The following LRRFIP2 variants were observed in gnomAD, a reference collection of about 807,000 sequenced individuals.
The protein encoded by LRRFIP2 is leucine-rich repeat flightless-interacting protein 2.
LRRFIP2 carries 109 observed loss-of-function variants against 125.9 expected under a neutral mutation model. The observed-to-expected ratio is 0.87, with a 90% CI of 0.74 to 1.01. LRRFIP2 has a LOEUF of 1.01. Among genes scored for constraint, LRRFIP2 ranks in the 50% least tolerant of loss-of-function variants. The pLI is 0.00. For missense variants in LRRFIP2, 850 were observed against 862.3 expected (o/e 0.99, Z 0.18); for synonymous variants, 291 against 293.1 (o/e 0.99, Z 0.07).
chr3:37,152,304 C>T (rs906693957), intron 1 of LRRFIP2, among the ~76,000 whole-genome samples: 2 of 152,022 alleles, frequency 1.3e-5, no homozygotes, highest in Admixed American at 6.6e-5. Flanking sequence ...GGGGCAAGGA[C>T]GGCTGGGTAA....
chr3:37,142,904 T>C (rs1053151715), intron 2 of LRRFIP2, among the ~76,000 whole-genome samples: 1 of 152,178 alleles, frequency 6.6e-6, no homozygotes, highest in Non-Finnish European at 1.5e-5. Flanking sequence ...CCAAATATCA[T>C]GTTGAGATGT....
intron 2 of LRRFIP2, chr3:37,143,513 T>C: frequency 4.0e-6 from 1 of 252,866 alleles, no homozygotes; most frequent in South Asian, 6.2e-5. Context: ...GCATTAACAC[T>C]TGATGTAGTC....
At chr3:37,156,747 A>G (rs1420581785) in intron 1 of LRRFIP2, among the ~76,000 whole-genome samples, 1 of 150,680 alleles carries the variant, frequency 6.6e-6, no homozygotes, top group Non-Finnish European at 1.5e-5. Flanking sequence ...GGAATTAGGA[A>G]TTGCAATTAA....
intron 2 of LRRFIP2, among the ~76,000 whole-genome samples, chr3:37,135,492 A>C (rs147670788): frequency 1.3e-5 from 2 of 152,148 alleles, no homozygotes; most frequent in East Asian, 3.9e-4. Flanking sequence ...GGAAAAGAGA[A>C]CTAAACATGT....
At chr3:37,145,324 T>C (rs576971926) in intron 2 of LRRFIP2, among the ~76,000 whole-genome samples, 35 of 152,330 alleles carry the variant, frequency 2.3e-4, no homozygotes, top group African/African-American at 6.3e-4. Context: ...GAGAGGACTT[T>C]ATACAACCCA....
chr3:37,127,561 T>C, intron 4 of LRRFIP2, 69 bp downstream of exon 4: 1 of 1,485,090 alleles, frequency 6.7e-7, no homozygotes, highest in Non-Finnish European at 9.4e-7. Context: ...TATTAGTTAA[T>C]GTTTTACTTC....
At chr3:37,172,914 C>T (rs1174687806) in intron 1 of LRRFIP2, 1 of 152,074 alleles carries the variant, frequency 6.6e-6, no homozygotes, top group Non-Finnish European at 1.5e-5. Flanking sequence ...TTTTATTGGC[C>T]GGGCGTGGTG....
intron 2 of LRRFIP2, among the ~76,000 whole-genome samples, chr3:37,131,235 T>TA (rs2095420409): frequency 6.6e-6 from 1 of 152,170 alleles, no homozygotes; most frequent in African/African-American, 2.4e-5. Context: ...TGTGTTCTGT[T>TA]ACGCCTCTCT....
rs1404136168 is a variant in LRRFIP2, at chr3:37,083,638, T to C, written c.1276A>G (p.Lys426Glu). The part of the protein sequence containing the change: ...EFYRENEEKS[K>E]ELERQKHMCS... ...AGAAAATACAAGATAAGCATTACCT[T>C]TGATTTTTCTTCATTTTCTCTATAA... is the stretch of plus-strand genomic sequence containing the variant. The change falls in exon 19 of 28, where the codon AAG becomes GAG. Residue 426 changes from lysine to glutamate, a missense_variant and splice_region_variant. Physicochemically the swap from Lys to Glu is moderately conservative, Grantham distance 56 (BLOSUM62 1). Coordinates refer to ENST00000336686, the MANE Select transcript of LRRFIP2 (RefSeq NM_006309.4). 1 of 1,558,360 alleles carries C rather than the reference T, an allele frequency of 6.4e-7. No homozygotes were observed. The highest frequency in any genetic ancestry group is 1.4e-5 in the African/African-American group (1 of 71,172).
intron 14 of LRRFIP2, among the ~76,000 whole-genome samples, chr3:37,104,829 T>G (rs1331119545): frequency 6.6e-6 from 1 of 152,160 alleles, no homozygotes; most frequent in Non-Finnish European, 1.5e-5. Flanking sequence ...TAGCAATTCT[T>G]AAGTTCACAA....
At chr3:37,149,810 G>A (rs1349736972) in intron 1 of LRRFIP2, among the ~76,000 whole-genome samples, 1 of 151,586 alleles carries the variant, frequency 6.6e-6, no homozygotes, top group Non-Finnish European at 1.5e-5. Context: ...AGACCAGCCT[G>A]GCCAACATGG....
chr3:37,065,013 T>G (rs2089819506), intron 23 of LRRFIP2: 1 of 152,944 alleles, frequency 6.5e-6, no homozygotes. Flanking sequence ...GCTTACTAAC[T>G]TTCAAAATGT....
intron 25 of LRRFIP2, among the ~76,000 whole-genome samples, chr3:37,055,474 GAGA>G (rs2086555008): frequency 6.6e-6 from 1 of 152,164 alleles, no homozygotes; most frequent in Non-Finnish European, 1.5e-5. Flanking sequence ...GCTGAGGCAG[GAGA>G]ATCACTTGAA....
At chr3:37,173,274 G>A (rs1289787754) in intron 1 of LRRFIP2, among the ~76,000 whole-genome samples, 1 of 151,898 alleles carries the variant, frequency 6.6e-6, no homozygotes, top group East Asian at 1.9e-4. Flanking sequence ...GGAGTGCAGT[G>A]GTGTTTTCAG....
At chr3:37,121,156 GTAGGGAAAGTC>G (rs1455453462) in intron 6 of LRRFIP2, among the ~76,000 whole-genome samples, 5 of 152,180 alleles carry the variant, frequency 3.3e-5, no homozygotes, top group Non-Finnish European at 7.3e-5. Context: ...AGATATGAAA[GTAGGGAAAGTC>G]TGAAAGTTAG....
chr3:37,111,675 T>C (rs1419120174), intron 8 of LRRFIP2, among the ~76,000 whole-genome samples: 3 of 152,154 alleles, frequency 2.0e-5, no homozygotes, highest in African/African-American at 7.2e-5. Context: ...TAAGCAAATT[T>C]AGGCAATCTC....
At chr3:37,135,346 C>G (rs1201286180) in intron 2 of LRRFIP2, among the ~76,000 whole-genome samples, 19 of 151,654 alleles carry the variant, frequency 1.3e-4, no homozygotes, top group Non-Finnish European at 1.5e-4. Context: ...GTAATCCCAG[C>G]TACTCGCGAG....
chr3:37,071,952 C>T (rs2091271477), intron 21 of LRRFIP2, among the ~76,000 whole-genome samples: 1 of 152,122 alleles, frequency 6.6e-6, no homozygotes. Flanking sequence ...GAAGACATTT[C>T]GTTTATCTGG....
rs556777434 is a variant in LRRFIP2 at position 37,073,610 on chromosome 3, T to A, written c.1372-728A>T. 5.3e-5 allele frequency among the ~76,000 whole-genome samples: 8 copies of A among 152,250 alleles called. No individual in the cohort carries two copies. In the East Asian group the frequency reaches 1.5e-3, roughly 29 times the overall value. ...TATTTAAAGTTTTTCAGCATAACCA[T>A]AGATACTAACATCTAAAAGATGTTC... is the stretch of plus-strand genomic sequence containing the variant. On this transcript the variant is annotated intron_variant, in intron 20 of 27. Transcript: ENST00000336686.
Sources: allele counts gnomAD v4.1 joint callset (sites outside exome capture counted in the v4.1 genomes callset), GRCh38; gene constraint gnomAD v4.1.1; transcripts MANE v1.5; gene names NCBI Gene and HGNC (gene_info 2026-07-23, HGNC 2026-07-21).